RBBP6: variants seen among roughly 807,000 people sequenced by gnomAD.
RBBP6 encodes the protein E3 ubiquitin-protein ligase RBBP6.
A neutral mutation model predicts 167.7 loss-of-function variants in RBBP6; 25 were observed. The observed-to-expected ratio is 0.15, with a 90% CI of 0.11 to 0.21. The LOEUF (loss-of-function observed/expected upper bound fraction) is 0.21, where lower values mean the gene tolerates loss of function less well. RBBP6 is among the 10% of genes least tolerant of loss of function. The pLI, the probability that RBBP6 is intolerant of heterozygous loss-of-function variation, is 1.00. For missense variants in RBBP6, 1,868 were observed against 2,134.2 expected, an observed-to-expected ratio of 0.88 and a Z score of 2.46; for synonymous variants, 789 against 735.8, an observed-to-expected ratio of 1.07 and a Z score of -1.17.
At position 24,571,154 on chromosome 16, in the gene RBBP6, C is replaced by G. The variant is rs1363630423; in HGVS notation, c.4088C>G (p.Pro1363Arg). The change falls in exon 18 of 18, where the codon CCT becomes CGT. Residue 1363 changes from proline (P) to arginine (R), a missense_variant. Transcript: ENST00000319715. ...STKPSNIVKY[P>R]EKESEPSEKI... ...AAGCCATCAAATATAGTCAAGTATC[C>G]TGAGAAAGAAAGTGAGCCATCCGAG... is the stretch of plus-strand genomic sequence containing the variant. The G allele has an allele frequency of 1.2e-6, 2 of 1,613,504 alleles. No homozygotes were observed. Among genetic ancestry groups the G allele is most frequent in the East Asian group, 4.5e-5 (2 of 44,862 alleles).
intron 2 of RBBP6, among the ~76,000 whole-genome samples, chr16:24,547,516 G>A (rs1266387623): frequency 6.6e-6 from 1 of 152,134 alleles, no homozygotes; most frequent in Non-Finnish European, 1.5e-5. Flanking sequence ...AGCCTGGAGT[G>A]CAGTGGCACA....
chr16:24,561,992 A>G lies in RBBP6; in HGVS notation c.1120A>G (p.Thr374Ala), dbSNP rs528075314. 6.2e-7 allele frequency: 1 copy of G among 1,613,718 alleles called. No homozygotes were observed. The highest frequency in any genetic ancestry group is 8.5e-7 in the Non-Finnish European group (1 of 1,179,794). ...ACAAGATCCTCTTATGATTCCAGTG[A>G]CATCTTCATCAACTCACCCAGCTCC... ...RQQDPLMIPVTSSSTHPAPSI... is the reference protein window; with the variant it reads ...RQQDPLMIPVASSSTHPAPSI... The change falls in exon 10 of 18, where the codon ACA becomes GCA. Residue 374 changes from threonine (T) to alanine (A), a missense_variant. Coordinates refer to ENST00000319715, the MANE Select transcript of RBBP6 (RefSeq NM_006910.5).
In RBBP6 at chr16:24,567,335, C is replaced by A; in HGVS notation, c.1782C>A (p.Pro594=). 6.2e-7 allele frequency: 1 copy of A among 1,614,064 alleles called. No homozygotes were observed. Among genetic ancestry groups the A allele is most frequent in the Admixed American group, 1.7e-5 (1 of 60,024 alleles). The change falls in exon 15 of 18, where the codon CCC becomes CCA. Residue 594 remains proline, a synonymous_variant. Transcript: ENST00000319715. ...AGTTTCCTCCTGGCCAGCCACCACC[C>A]GCTGGGTATAGTGTCCCTCCTCCAG... ...SPQFPPGQPP[P]AGYSVPPPGF... is the part of the protein sequence containing the mutation.
chr16:24,543,840 C>T (rs28600990), intron 1 of RBBP6, among the ~76,000 whole-genome samples: 41,398 of 151,928 alleles, frequency 0.27, 5,706 homozygotes, highest in Admixed American at 0.34. Context: ...ACCCTTGTCA[C>T]CTTTCTTACT....
chr16:24,541,965 C>A (rs1387171528), intron 1 of RBBP6, among the ~76,000 whole-genome samples: 1 of 152,122 alleles, frequency 6.6e-6, no homozygotes, highest in Non-Finnish European at 1.5e-5. Context: ...TTTCCATTTA[C>A]AATGCAGACC....
intron 10 of RBBP6, among the ~76,000 whole-genome samples, chr16:24,562,996 G>GC (rs1400289045): frequency 9.3e-6 from 1 of 107,834 alleles, no homozygotes; most frequent in Non-Finnish European, 2.2e-5. Flanking sequence ...TTCTTAAGGA[G>GC]GTCCTTCATT....
intron 14 of RBBP6, among the ~76,000 whole-genome samples, chr16:24,566,115 T>C (rs562187595): frequency 9.1e-4 from 139 of 152,284 alleles, no homozygotes; most frequent in Non-Finnish European, 1.7e-3. Flanking sequence ...GCTAAACTTA[T>C]GAAAGTTTAC....
chr16:24,554,379 T>C (rs1348399229), intron 4 of RBBP6: 1 of 152,038 alleles, frequency 6.6e-6, no homozygotes, highest in Non-Finnish European at 1.5e-5. Context: ...TTTTCCCTGC[T>C]ATCAGAAATG....
chr16:24,549,806 T>C (rs993608535), intron 3 of RBBP6, among the ~76,000 whole-genome samples: 1 of 152,066 alleles, frequency 6.6e-6, no homozygotes, highest in African/African-American at 2.4e-5. Flanking sequence ...ACTAAAATGC[T>C]GCGTTAATTT....
At chr16:24,553,021 G>A (rs907418027) in intron 3 of RBBP6, 2 of 152,010 alleles carry the variant, frequency 1.3e-5, no homozygotes, top group African/African-American at 4.8e-5. Context: ...AACTTACTCA[G>A]ACTGAAGAGT....
In RBBP6 at chr16:24,567,633, A is replaced by C. The variant is rs1596513139; in HGVS notation, c.1952+128A>C. 3.0e-6 allele frequency: 4 copies of C among 1,314,076 alleles called. No individual in the cohort carries two copies. The East Asian group carries it at 1.0e-4, about 33-fold the overall frequency. 81.4% of individuals were successfully genotyped at this position (1,314,076 alleles called of 1,614,324 possible). A position where few individuals can be genotyped will look rare whatever the true frequency, so the allele number is the denominator to read the frequency against. On this transcript the variant is annotated intron_variant, in intron 15 of 17. Coordinates refer to ENST00000319715, the MANE Select transcript of RBBP6 (RefSeq NM_006910.5). ...GAAATTCACCTAAAATTTAAACCAA[A>C]GCCATACAAGCAACTTCTCAGGGAT...
chr16:24,559,435 A>G, intron 7 of RBBP6, 70 bp from the exon 8 acceptor site: 1 of 1,282,722 alleles, frequency 7.8e-7, no homozygotes, highest in South Asian at 1.5e-5. Context: ...CCATTATGTT[A>G]TAGTAGAACA....
chr16:24,568,678 C>G (rs955734858), intron 16 of RBBP6, 67 bp from the exon 17 acceptor site: 5 of 1,511,040 alleles, frequency 3.3e-6, no homozygotes, highest in Non-Finnish European at 4.4e-6. Context: ...ATGCTAGAAT[C>G]TGAGAGTCTG....
chr16:24,565,250 A>G lies in RBBP6; in HGVS notation c.1589+385A>G, dbSNP rs1040807284. ...GCTCCCAACTGTGAACAAGAATTGC[A>G]ACTATTTCTCTTCTAGACCCCACTG... On this transcript the variant is annotated intron_variant, in intron 14 of 17. Coordinates refer to ENST00000319715, the MANE Select transcript of RBBP6 (RefSeq NM_006910.5). 6.6e-5 allele frequency among the ~76,000 whole-genome samples: 10 copies of G among 152,316 alleles called. No homozygotes were observed. In the South Asian group the frequency reaches 2.1e-3, roughly 32 times the overall value.
In RBBP6 at chr16:24,540,522, C is replaced by T. The variant is rs1471261531; in HGVS notation, c.-105C>T. Reference sequence around the variant, plus strand: ...CTGAGGCCTTAGGGTCCTTCGGTGTCTTTGAGTGTTTTGTGTGTACATATT... The same window carrying T: ...CTGAGGCCTTAGGGTCCTTCGGTGTTTTTGAGTGTTTTGTGTGTACATATT... On this transcript the variant is annotated 5_prime_UTR_variant, in exon 1 of 18. Transcript: ENST00000319715. 1.1e-5 allele frequency: 13 copies of T among 1,213,774 alleles called. No individual in the cohort carries two copies. The Admixed American group carries it at 2.7e-4, about 25-fold the overall frequency. 75.2% of individuals were successfully genotyped at this position (1,213,774 alleles called of 1,614,324 possible). A position where few individuals can be genotyped will look rare whatever the true frequency, so the allele number is the denominator to read the frequency against.
chr16:24,567,967 A>G, intron 16 of RBBP6, 74 bp downstream of exon 16: 1 of 1,246,176 alleles, frequency 8.0e-7, no homozygotes, highest in Non-Finnish European at 1.2e-6. Context: ...CTATGGATAT[A>G]AAGAACATTG....
intron 4 of RBBP6, chr16:24,554,748 G>A (rs1056259): frequency 6.7e-6 from 1 of 148,198 alleles, no homozygotes; most frequent in Non-Finnish European, 1.5e-5. Context: ...GAGGAGTTGG[G>A]GCGGTTTGGG....
rs746925656 is a variant in RBBP6 at position 24,567,270 on chromosome 16, C to A, written c.1717C>A (p.Pro573Thr). Residue 573 changes from proline to threonine, a missense_variant, in exon 15 of 18, where the codon CCT becomes ACT. By Grantham distance (38) the Pro-to-Thr change is conservative. Around this residue, in one of 7 missense-constraint regions of RBBP6, gnomAD observed 145 missense variants for 224.3 expected, o/e 0.65. Coordinates refer to ENST00000319715, the MANE Select transcript of RBBP6 (RefSeq NM_006910.5). ...GTATCCGCCTCCTCCCCATACACTTCCTCTCCCTCCGGGTGTTCCTCCTCC... is the reference window on the plus strand; with the variant it reads ...GTATCCGCCTCCTCCCCATACACTTACTCTCCCTCCGGGTGTTCCTCCTCC... ...PLYPPPPHTL[P>T]LPPGVPPPQF... 1 of 1,614,176 alleles carries A rather than the reference C, an allele frequency of 6.2e-7. No homozygotes were observed. Among genetic ancestry groups the A allele is most frequent in the Non-Finnish European group, 8.5e-7 (1 of 1,180,026 alleles).
At chr16:24,562,324 C>T (rs1200222029) in intron 10 of RBBP6, among the ~76,000 whole-genome samples, 163 bp downstream of exon 10, 1 of 152,144 alleles carries the variant, frequency 6.6e-6, no homozygotes, top group African/African-American at 2.4e-5. Context: ...AAGAGGAAAA[C>T]AAACGTGATT....
Sources: gnomAD v4.1 joint callset for allele counts (sites outside exome capture counted in the v4.1 genomes callset) on GRCh38, gnomAD v4.1.1 for gene constraint, gnomAD v4.1.1 regional missense constraint, MANE v1.5 for transcripts, NCBI Gene and HGNC (gene_info 2026-07-23, HGNC 2026-07-21) for gene names.